Variants in TTC9 observed in about 807,000 individuals in gnomAD.
TTC9 encodes the protein tetratricopeptide repeat protein 9A.
Under a neutral mutation model 22.9 loss-of-function variants are expected in TTC9, and 13 were observed. The ratio of observed to expected loss-of-function variants is 0.57; its 90% CI spans 0.37 to 0.90. The LOEUF (loss-of-function observed/expected upper bound fraction) is 0.90. Ranked by LOEUF, TTC9 falls within the 40% of genes least tolerant of loss-of-function variation. The probability of loss-of-function intolerance (pLI) is 0.01; values close to 1 mark genes in which losing one functional copy is unlikely to be tolerated. For synonymous variants in TTC9, 148 were observed against 133.2 expected (o/e 1.11, Z -0.77); for missense variants, 280 against 291.8 (o/e 0.96, Z 0.29).
At chr14:70,659,347 C>T (rs1886113638) in intron 1 of TTC9, among the ~76,000 whole-genome samples, 1 of 152,092 alleles carries the variant, frequency 6.6e-6, no homozygotes, top group Admixed American at 6.5e-5. Flanking sequence ...ACAATTATCA[C>T]AATAAAAGTT....
chr14:70,662,165 C>G (rs1002107917), intron 1 of TTC9, among the ~76,000 whole-genome samples: 1 of 152,152 alleles, frequency 6.6e-6, no homozygotes, highest in African/African-American at 2.4e-5. Context: ...GAGCTCAGGC[C>G]CTTTGCCATG....
chr14:70,656,107 A>G (rs1484927696), intron 1 of TTC9, among the ~76,000 whole-genome samples: 1 of 152,072 alleles, frequency 6.6e-6, no homozygotes, highest in Non-Finnish European at 1.5e-5. Flanking sequence ...GTCTCCTCCA[A>G]AAAGATAATT....
In TTC9 at chr14:70,642,494, C is replaced by T. The variant is rs778463802; in HGVS notation, c.365C>T (p.Thr122Met). The stretch of plus-strand genomic sequence containing the variant: ...CGCCTCTCGGAGGAGCAGAGCAAGA[C>T]GGTGGAAGCCATCGAGATCGACTGT... ...PGRLSEEQSKTVEAIEIDCYN... is the reference protein window; with the variant it reads ...PGRLSEEQSKMVEAIEIDCYN... The change falls in exon 1 of 3, where the codon ACG (threonine) becomes ATG (methionine). Residue 122 changes from threonine (T) to methionine (M), a missense_variant. Coordinates refer to ENST00000256367, the MANE Select transcript of TTC9 (RefSeq NM_015351.2). 22 of 1,546,802 alleles carry T rather than the reference C, an allele frequency of 1.4e-5. No individual in the cohort carries two copies. In the South Asian group the frequency reaches 2.5e-4, roughly 18 times the overall value.
In TTC9 at chr14:70,671,101, G is replaced by A. The variant is rs746201564; in HGVS notation, c.615G>A (p.Gln205=). 1 of 1,613,694 alleles carries A rather than the reference G, an allele frequency of 6.2e-7. No homozygotes were observed. The highest frequency in any genetic ancestry group is 8.5e-7 in the Non-Finnish European group (1 of 1,179,758). ...PTDTNVIRYI[Q]LTEMKLSRCS... is the part of the protein sequence containing the mutation. Reference sequence around the variant, plus strand: ...ACACCAACGTGATTCGGTATATCCAGCTGACGGAGATGAAACTCAGCCGAT... The same window carrying A: ...ACACCAACGTGATTCGGTATATCCAACTGACGGAGATGAAACTCAGCCGAT... Residue 205 remains glutamine (Q), a synonymous_variant, in exon 3 of 3, where the codon CAG becomes CAA. Transcript: ENST00000256367.
In TTC9 at chr14:70,667,602, G is replaced by A; in HGVS notation, c.445G>A (p.Val149Ile). 1 of 1,614,010 alleles carries A rather than the reference G, an allele frequency of 6.2e-7. No individual in the cohort carries two copies. Among genetic ancestry groups the A allele is most frequent in the Non-Finnish European group, 8.5e-7 (1 of 1,179,900 alleles). ...GGCTGAGCTGGTAAACTATGAACGA[G>A]TCAAGGAATATTGCCTCAAAGTCTT... ...LQAELVNYER[V>I]KEYCLKVLKK... Residue 149 changes from valine (V) to isoleucine (I), a missense_variant, in exon 2 of 3, where the codon GTC becomes ATC. Physicochemically the swap from Val to Ile is conservative, Grantham distance 29 (BLOSUM62 3). Transcript: ENST00000256367.
chr14:70,648,756 A>C (rs1885937578), intron 1 of TTC9, among the ~76,000 whole-genome samples: 1 of 152,214 alleles, frequency 6.6e-6, no homozygotes, highest in Admixed American at 6.5e-5. Flanking sequence ...ATTTGGAACA[A>C]AATTTTCCGT....
intron 2 of TTC9, among the ~76,000 whole-genome samples, chr14:70,669,155 A>G (rs540995662): frequency 6.6e-6 from 1 of 152,190 alleles, no homozygotes; most frequent in East Asian, 1.9e-4. Context: ...GACTGTCTCA[A>G]AAAAAATAAA....
At chr14:70,663,742 C>T (rs999873518) in intron 1 of TTC9, among the ~76,000 whole-genome samples, 34 of 152,342 alleles carry the variant, frequency 2.2e-4, no homozygotes, top group Non-Finnish European at 4.6e-4. Flanking sequence ...TCAGCTGATC[C>T]CACTGCCCCG....
chr14:70,647,820 A>G (rs1170775626), intron 1 of TTC9, among the ~76,000 whole-genome samples: 1 of 152,242 alleles, frequency 6.6e-6, no homozygotes, highest in African/African-American at 2.4e-5. Context: ...TATTAAATGA[A>G]GTACAGGTTC....
intron 1 of TTC9, among the ~76,000 whole-genome samples, chr14:70,657,200 T>C (rs550938294): frequency 6.6e-6 from 1 of 152,268 alleles, no homozygotes; most frequent in South Asian, 2.1e-4. Context: ...TCCTTGAAGA[T>C]ATCAATATCT....
At chr14:70,651,693 G>C (rs1458139282) in intron 1 of TTC9, among the ~76,000 whole-genome samples, 2 of 152,172 alleles carry the variant, frequency 1.3e-5, no homozygotes, top group Non-Finnish European at 2.9e-5. Context: ...ATCTTCTGGT[G>C]AGGCAAAGAA....
At chr14:70,657,621 G>T (rs932220531) in intron 1 of TTC9, among the ~76,000 whole-genome samples, 2 of 152,168 alleles carry the variant, frequency 1.3e-5, no homozygotes, top group Non-Finnish European at 2.9e-5. Flanking sequence ...AGTAGTGGGA[G>T]ACTCTCTGGG....
In TTC9 at chr14:70,648,743, C is replaced by G. The variant is rs373072588; in HGVS notation, c.406+6208C>G. Among the ~76,000 whole-genome samples, 7 of 152,310 alleles carry G rather than the reference C, an allele frequency of 4.6e-5. 1 individual carries two copies. The highest frequency in any genetic ancestry group is 1.7e-4 in the African/African-American group (7 of 41,570). ...AAGCCCCTTTGGGAAGGCAGATGTC[C>G]ATATTTGGAACAAAATTTTCCGTTT... On this transcript the variant is annotated intron_variant, in intron 1 of 2. Transcript: ENST00000256367.
At chr14:70,644,888 G>A (rs962804706) in intron 1 of TTC9, among the ~76,000 whole-genome samples, 15 of 151,986 alleles carry the variant, frequency 9.9e-5, no homozygotes, top group African/African-American at 2.9e-4. Context: ...CGAGGCGGGC[G>A]GATCACGAGG....
chr14:70,649,507 A>T (rs551152151), intron 1 of TTC9, among the ~76,000 whole-genome samples: 2 of 152,350 alleles, frequency 1.3e-5, no homozygotes, highest in South Asian at 4.1e-4. Flanking sequence ...TGGAACAGTT[A>T]ACATCACTTG....
intron 1 of TTC9, among the ~76,000 whole-genome samples, chr14:70,665,386 A>G (rs1886200896): frequency 6.6e-6 from 1 of 152,216 alleles, no homozygotes; most frequent in East Asian, 1.9e-4. Flanking sequence ...AAGCACCAGC[A>G]CAGGCTCCGA....
At chr14:70,666,934 C>T (rs553459447) in intron 1 of TTC9, among the ~76,000 whole-genome samples, 2 of 152,118 alleles carry the variant, frequency 1.3e-5, no homozygotes, top group Non-Finnish European at 2.9e-5. Context: ...ACAACAAAGT[C>T]CCACAAACTG....
chr14:70,658,731 C>G (rs1036897087), intron 1 of TTC9, among the ~76,000 whole-genome samples: 2 of 152,142 alleles, frequency 1.3e-5, no homozygotes, highest in African/African-American at 4.8e-5. Flanking sequence ...GAGCTCTTAT[C>G]TTAGAGAAAT....
intron 1 of TTC9, among the ~76,000 whole-genome samples, chr14:70,662,877 C>T (rs891359658): frequency 1.3e-5 from 2 of 152,174 alleles, no homozygotes; most frequent in African/African-American, 2.4e-5. Context: ...AAACACTTCT[C>T]GACAATCAGG....
Sources: allele counts gnomAD v4.1 joint callset (sites outside exome capture counted in the v4.1 genomes callset), GRCh38; gene constraint gnomAD v4.1.1; transcripts MANE v1.5; gene names NCBI Gene and HGNC (gene_info 2026-07-23, HGNC 2026-07-21).